Variants in PTCHD4 observed in about 807,000 individuals in gnomAD.
PTCHD4 encodes the protein patched domain-containing protein 4.
A neutral mutation model predicts 58.1 loss-of-function variants in PTCHD4; 33 were observed. That is an observed-to-expected ratio of 0.57 (90% CI 0.43 to 0.76). PTCHD4 has a LOEUF of 0.76. Among genes scored for constraint, PTCHD4 ranks in the 30% least tolerant of loss-of-function variants. PTCHD4 has a pLI of 0.00. For missense variants in PTCHD4, 1,058 were observed against 1,027.1 expected (o/e 1.03, Z -0.41); for synonymous variants, 478 against 409.6 (o/e 1.17, Z -2.02).
intron 4 of PTCHD4, among the ~76,000 whole-genome samples, chr6:47,970,383 C>A (rs1208494616): frequency 1.3e-5 from 2 of 152,058 alleles, no homozygotes; most frequent in African/African-American, 4.8e-5. Context: ...AAAGATGAAA[C>A]CTGAGTGCCT....
chr6:47,902,603 A>C (rs1764746688), intron 4 of PTCHD4, among the ~76,000 whole-genome samples: 1 of 152,240 alleles, frequency 6.6e-6, no homozygotes, highest in Non-Finnish European at 1.5e-5. Context: ...ATTAATTAGC[A>C]ATAGTTTTCA....
intron 4 of PTCHD4, among the ~76,000 whole-genome samples, chr6:47,924,064 G>A (rs961399551): frequency 6.6e-6 from 1 of 152,110 alleles, no homozygotes; most frequent in Non-Finnish European, 1.5e-5. Flanking sequence ...ACCTGTCTGG[G>A]CTTTGCACCT....
At chr6:47,910,660 C>A (rs1192036109) in intron 4 of PTCHD4, among the ~76,000 whole-genome samples, 1 of 152,052 alleles carries the variant, frequency 6.6e-6, no homozygotes, top group Non-Finnish European at 1.5e-5. Context: ...TCTGGTATGG[C>A]ATCATTATAG....
intron 4 of PTCHD4, among the ~76,000 whole-genome samples, chr6:47,931,730 G>A (rs916090241): frequency 1.3e-5 from 2 of 150,808 alleles, no homozygotes; most frequent in East Asian, 1.9e-4. Context: ...TTCTTCCTTC[G>A]GCCTGAAGCT....
At chr6:48,065,427 T>A (rs1018389099) in intron 3 of PTCHD4, among the ~76,000 whole-genome samples, 2 of 152,148 alleles carry the variant, frequency 1.3e-5, no homozygotes, top group African/African-American at 4.8e-5. Context: ...AAAAAATACA[T>A]ATAAAAATTT....
intron 4 of PTCHD4, among the ~76,000 whole-genome samples, chr6:48,003,381 A>G (rs1768812137): frequency 6.6e-6 from 1 of 152,096 alleles, no homozygotes; most frequent in Non-Finnish European, 1.5e-5. Context: ...AATGCATTCT[A>G]TCACTTATTT....
rs765688892 is a variant in PTCHD4 at position 47,879,881 on chromosome 6, C to T, written c.954G>A (p.Glu318=). Residue 318 remains glutamate, a synonymous_variant, in exon 5 of 5, where the codon GAG becomes GAA. Coordinates refer to ENST00000339488, the MANE Select transcript of PTCHD4 (RefSeq NM_001384253.1). The stretch of plus-strand genomic sequence containing the variant: ...CTATCCTGTCTTTGAAGGGCAAGTT[C>T]TCTTTGGTTCTCCGCCATCCGGACA... The part of the protein sequence containing the change: ...ELLSGWRRTK[E]NLPFKDRIAD... 1 of 1,590,098 alleles carries T rather than the reference C, an allele frequency of 6.3e-7. No homozygotes were observed. Among genetic ancestry groups the T allele is most frequent in the Non-Finnish European group, 8.6e-7 (1 of 1,167,520 alleles).
chr6:47,886,156 A>G (rs1198017828), intron 4 of PTCHD4, among the ~76,000 whole-genome samples: 11 of 147,322 alleles, frequency 7.5e-5, no homozygotes, highest in African/African-American at 2.8e-4. Context: ...ATGTTGTTCT[A>G]TAAATCCAAT....
intron 3 of PTCHD4, among the ~76,000 whole-genome samples, chr6:48,015,125 C>T (rs761722227): frequency 7.3e-5 from 11 of 150,612 alleles, no homozygotes; most frequent in Middle Eastern, 3.2e-3. Context: ...AAAGACAAGT[C>T]TTAAAGTAAG....
rs1373605243 is a variant in PTCHD4 at position 47,957,306 on chromosome 6, G to A, written c.898+51328C>T. ...AGTTTCATTCAAGAAAGATTGTACA[G>A]AATACAAATTCTCAAATCCCACTTT... On this transcript the variant is annotated intron_variant, in intron 4 of 4. Coordinates refer to ENST00000339488, the MANE Select transcript of PTCHD4 (RefSeq NM_001384253.1). 2.7e-5 allele frequency among the ~76,000 whole-genome samples: 4 copies of A among 148,186 alleles called. 1 individual carries two copies. The highest frequency in any genetic ancestry group is 9.8e-5 in the African/African-American group (4 of 40,728).
chr6:48,039,707 T>A (rs1334626134), intron 3 of PTCHD4, among the ~76,000 whole-genome samples: 1 of 152,024 alleles, frequency 6.6e-6, no homozygotes, highest in Non-Finnish European at 1.5e-5. Context: ...TTAGATGAAT[T>A]TGAAATGTGT....
At chr6:48,032,891 C>T (rs1370766701) in intron 3 of PTCHD4, among the ~76,000 whole-genome samples, 1 of 152,052 alleles carries the variant, frequency 6.6e-6, no homozygotes. Flanking sequence ...TATTTCTCTA[C>T]CTTTTTACTG....
intron 4 of PTCHD4, among the ~76,000 whole-genome samples, chr6:47,885,473 G>A (rs550698286): frequency 6.6e-6 from 1 of 151,692 alleles, no homozygotes; most frequent in African/African-American, 2.4e-5. Flanking sequence ...GATCATGAAG[G>A]TTCTTCATGG....
chr6:47,991,127 A>G (rs1025986931), intron 4 of PTCHD4, among the ~76,000 whole-genome samples: 6 of 152,150 alleles, frequency 3.9e-5, no homozygotes, highest in Admixed American at 3.3e-4. Flanking sequence ...AGCTTTTTAG[A>G]TTTTGTAAAA....
intron 4 of PTCHD4, among the ~76,000 whole-genome samples, chr6:47,990,315 T>G (rs1047249833): frequency 5.9e-5 from 9 of 152,152 alleles, no homozygotes; most frequent in Admixed American, 5.9e-4. Context: ...TTTGGGGGAC[T>G]GTTGGAAAGG....
chr6:48,104,438 G>A (rs1215906160), intron 1 of PTCHD4, among the ~76,000 whole-genome samples: 9 of 152,124 alleles, frequency 5.9e-5, no homozygotes, highest in Non-Finnish European at 1.0e-4. Flanking sequence ...CCCTAAAAGA[G>A]CTCCTGAAGG....
chr6:47,972,706 A>G (rs1311109916), intron 4 of PTCHD4, among the ~76,000 whole-genome samples: 1 of 151,986 alleles, frequency 6.6e-6, no homozygotes, highest in Admixed American at 6.6e-5. Context: ...TTATCCATCT[A>G]TCTTTTTGTC....
intron 1 of PTCHD4, among the ~76,000 whole-genome samples, 111 bp downstream of exon 1, chr6:48,110,938 T>A (rs978762864): frequency 6.6e-6 from 1 of 151,904 alleles, no homozygotes; most frequent in Non-Finnish European, 1.5e-5. Context: ...TAATAAAGGT[T>A]TACAGAATGA....
intron 4 of PTCHD4, among the ~76,000 whole-genome samples, chr6:47,887,716 C>G (rs942440446): frequency 6.6e-6 from 1 of 151,998 alleles, no homozygotes; most frequent in African/African-American, 2.4e-5. Context: ...TTTTCTAATC[C>G]CCATAATGTC....
Sources: gnomAD v4.1 joint callset for allele counts (sites outside exome capture counted in the v4.1 genomes callset) on GRCh38, gnomAD v4.1.1 for gene constraint, MANE v1.5 for transcripts, NCBI Gene and HGNC (gene_info 2026-07-23, HGNC 2026-07-21) for gene names.